The following GOLIM4 variants were observed in gnomAD, a reference collection of about 807,000 sequenced individuals.
GOLIM4 encodes golgi integral membrane protein 4.
GOLIM4 carries 71 observed loss-of-function variants against 107.4 expected under a neutral mutation model. The ratio of observed to expected loss-of-function variants is 0.66; its 90% confidence interval spans 0.55 to 0.81. GOLIM4 has a LOEUF of 0.81. Ranked by LOEUF, GOLIM4 falls within the 30% of genes least tolerant of loss-of-function variation. The pLI is 0.00. For missense variants in GOLIM4, 830 were observed against 826.1 expected (o/e 1.00, Z -0.06); for synonymous variants, 327 against 294.8 (o/e 1.11, Z -1.12).
intron 14 of GOLIM4, among the ~76,000 whole-genome samples, chr3:168,017,367 T>G (rs1205840181): frequency 1.3e-5 from 2 of 152,118 alleles, no homozygotes; most frequent in Non-Finnish European, 2.9e-5. Flanking sequence ...GGTGCACGCC[T>G]GTAGTCTCAG....
In GOLIM4 at chr3:168,009,708, G is replaced by A. The variant is rs187781681; in HGVS notation, c.*561C>T. 6.6e-6 allele frequency: 1 copy of A among 152,224 alleles called. No individual in the cohort carries two copies. Among genetic ancestry groups the A allele is most frequent in the Admixed American group, 6.5e-5 (1 of 15,296 alleles). 9.4% of individuals were successfully genotyped at this position (152,224 alleles called of 1,614,324 possible). ...TGATCTGAAAAGTCTGAAAAACAAT[G>A]TCTTTACAACAAAAATGGATTTCCA... On this transcript the variant is annotated 3_prime_UTR_variant, in exon 16 of 16. Transcript: ENST00000470487.
At chr3:168,031,026 T>C (rs1718302005) in intron 9 of GOLIM4, among the ~76,000 whole-genome samples, 1 of 152,162 alleles carries the variant, frequency 6.6e-6, no homozygotes, top group Non-Finnish European at 1.5e-5. Context: ...TAAAAAAGAA[T>C]GAAATCTTGT....
intron 14 of GOLIM4, among the ~76,000 whole-genome samples, chr3:168,011,552 G>A (rs9869823): frequency 0.27 from 41,540 of 151,632 alleles, 7,308 homozygotes; most frequent in Non-Finnish European, 0.39. Context: ...ACAGCTCAAG[G>A]AGGCCTGCCT....
At chr3:168,020,044 G>A (rs115998516) in intron 14 of GOLIM4, among the ~76,000 whole-genome samples, 133 of 152,220 alleles carry the variant, frequency 8.7e-4, no homozygotes, top group African/African-American at 2.9e-3. Flanking sequence ...TATAGTTACT[G>A]TGCATGGTAC....
rs1370957058 is a variant in GOLIM4 at position 168,016,135 on chromosome 3, C to T, written c.1861-5312G>A. On this transcript the variant is annotated intron_variant, in intron 14 of 15. Coordinates refer to ENST00000470487, the MANE Select transcript of GOLIM4 (RefSeq NM_014498.5). Reference sequence around the variant, plus strand: ...CAAAATGGGAGAAAATTTTCACAACCTACTCATCTGACAAATGGCTAATAT... The same window carrying T: ...CAAAATGGGAGAAAATTTTCACAACTTACTCATCTGACAAATGGCTAATAT... 5.9e-5 allele frequency among the ~76,000 whole-genome samples: 8 copies of T among 134,632 alleles called. 1 individual carries two copies. The highest frequency in any genetic ancestry group is 2.1e-4 in the Admixed American group (3 of 14,298). The allele number at this position is 134,632 out of a possible 152,430, so 88.3% of individuals were successfully genotyped here.
intron 1 of GOLIM4, among the ~76,000 whole-genome samples, chr3:168,077,989 A>G (rs1317930517): frequency 1.3e-5 from 2 of 152,018 alleles, no homozygotes; most frequent in Non-Finnish European, 1.5e-5. Context: ...TTATTTATTT[A>G]TTTATTTTTG....
intron 9 of GOLIM4, among the ~76,000 whole-genome samples, chr3:168,031,851 A>C (rs1336357047): frequency 6.6e-6 from 1 of 152,226 alleles, no homozygotes; most frequent in African/African-American, 2.4e-5. Flanking sequence ...AGTAAAAGAA[A>C]GGCATCTAGC....
rs184347243 is a variant in GOLIM4, at chr3:168,046,987, T to C, written c.275A>G (p.Tyr92Cys). Residue 92 changes from tyrosine to cysteine, a missense_variant, in exon 3 of 16, where the codon TAT becomes TGT. Tyr to Cys is a radical substitution (Grantham distance 194). Transcript: ENST00000470487. ...HKKAKEDFLV[Y>C]KLEAQETLNK... The stretch of plus-strand genomic sequence containing the variant: ...TAATGTTTCTTGTGCTTCTAACTTA[T>C]AAACAAGAAAATCTAGAAAATACAA... The C allele has an allele frequency of 3.5e-5, 47 of 1,330,672 alleles. No homozygotes were observed. Among genetic ancestry groups the C allele is most frequent in the Admixed American group, 1.7e-4 (7 of 41,652 alleles). The allele number at this position is 1,330,672 out of a possible 1,614,324, so 82.4% of individuals were successfully genotyped here.
chr3:168,091,699 T>A (rs1038380932), intron 1 of GOLIM4, among the ~76,000 whole-genome samples: 1 of 152,230 alleles, frequency 6.6e-6, no homozygotes, highest in Non-Finnish European at 1.5e-5. Context: ...CAGTACCTAC[T>A]ATATGCCAAG....
intron 1 of GOLIM4, among the ~76,000 whole-genome samples, chr3:168,080,784 T>C (rs1423268055): frequency 6.6e-6 from 1 of 151,842 alleles, no homozygotes; most frequent in African/African-American, 2.4e-5. Flanking sequence ...GAAATCTAGA[T>C]GTTTATATAA....
At chr3:168,033,759 T>C (rs891265534) in intron 8 of GOLIM4, among the ~76,000 whole-genome samples, 7 of 152,104 alleles carry the variant, frequency 4.6e-5, no homozygotes, top group African/African-American at 9.7e-5. Flanking sequence ...CAGGACTCTT[T>C]TGTAAACATT....
At chr3:168,081,694 G>A (rs924707369) in intron 1 of GOLIM4, among the ~76,000 whole-genome samples, 1 of 151,946 alleles carries the variant, frequency 6.6e-6, no homozygotes, top group Non-Finnish European at 1.5e-5. Flanking sequence ...ACAGTATAAT[G>A]GTAATAACAC....
intron 9 of GOLIM4, among the ~76,000 whole-genome samples, chr3:168,031,257 G>A (rs536670534): frequency 3.3e-5 from 5 of 152,276 alleles, no homozygotes; most frequent in African/African-American, 1.2e-4. Flanking sequence ...AAGACCTAAT[G>A]TTTGGTAGTT....
chr3:168,030,354 G>C (rs1338438828), intron 9 of GOLIM4, among the ~76,000 whole-genome samples: 2 of 152,126 alleles, frequency 1.3e-5, no homozygotes, highest in Admixed American at 6.5e-5. Flanking sequence ...ACAAGGCTCT[G>C]ATATAAACAA....
chr3:168,070,754 AGAGGGTT>A (rs1428891827), intron 1 of GOLIM4, among the ~76,000 whole-genome samples: 1 of 152,226 alleles, frequency 6.6e-6, no homozygotes. Context: ...ACTTTCTAGA[AGAGGGTT>A]GTTGCTTTTT....
intron 1 of GOLIM4, among the ~76,000 whole-genome samples, chr3:168,078,958 T>A (rs1404303469): frequency 1.3e-5 from 2 of 152,176 alleles, no homozygotes; most frequent in African/African-American, 4.8e-5. Context: ...CTTTTGGTCA[T>A]ATTTTAAAAT....
chr3:168,072,174 G>A (rs1416371850), intron 1 of GOLIM4, among the ~76,000 whole-genome samples: 1 of 152,126 alleles, frequency 6.6e-6, no homozygotes, highest in Non-Finnish European at 1.5e-5. Flanking sequence ...CATTGCAGGA[G>A]ATATACTGTG....
intron 9 of GOLIM4, among the ~76,000 whole-genome samples, chr3:168,031,855 A>T (rs1718354008): frequency 6.6e-6 from 1 of 152,206 alleles, no homozygotes; most frequent in Non-Finnish European, 1.5e-5. Context: ...AAAGAAAGGC[A>T]TCTAGCTGCA....
At position 168,009,435 on chromosome 3, in the gene GOLIM4, A is replaced by AAAAAAAAAAAAAAAAAAAAAAAAAT; in HGVS notation, c.*833_*834insATTTTTTTTTTTTTTTTTTTTTTTT. ...TATCAATCAATGGCTTCAAACAAAA[A>AAAAAAAAAAAAAAAAAAAAAAAAAT]AAAAAAAAAAAAATTGAGAATGGGT... On this transcript the variant is annotated 3_prime_UTR_variant, in exon 16 of 16. Coordinates refer to ENST00000470487, the MANE Select transcript of GOLIM4 (RefSeq NM_014498.5). 1 of 148,222 alleles carries AAAAAAAAAAAAAAAAAAAAAAAAAT rather than the reference A, an allele frequency of 6.7e-6. No individual in the cohort carries two copies. Among genetic ancestry groups the AAAAAAAAAAAAAAAAAAAAAAAAAT allele is most frequent in the Non-Finnish European group, 1.5e-5 (1 of 66,710 alleles). 9.2% of individuals were successfully genotyped at this position (148,222 alleles called of 1,614,324 possible).
Sources: allele counts gnomAD v4.1 joint callset (sites outside exome capture counted in the v4.1 genomes callset), GRCh38; gene constraint gnomAD v4.1.1; transcripts MANE v1.5; gene names NCBI Gene and HGNC (gene_info 2026-07-23, HGNC 2026-07-21).